Variants in ZNF660 observed in about 807,000 individuals in gnomAD.
ZNF660 encodes zinc finger protein 660.
Under a neutral mutation model 23.2 loss-of-function variants are expected in ZNF660, and 24 were observed. The ratio of observed to expected loss-of-function variants is 1.04; its 90% CI spans 0.75 to 1.46. ZNF660 has a LOEUF of 1.46. Ranked by LOEUF, ZNF660 falls within the 40% of genes most tolerant of loss-of-function variation. ZNF660 has a pLI of 0.00. For synonymous variants in ZNF660, 117 were observed against 131.4 expected, an observed-to-expected ratio of 0.89 and a Z score of 0.75; for missense variants, 373 against 396.8, an observed-to-expected ratio of 0.94 and a Z score of 0.51.
Position 44,594,926 on chromosome 3 carries a change from C to T in ZNF660, c.733C>T (p.Pro245Ser). The change falls in exon 3 of 3, where the codon CCT becomes TCT. Residue 245 changes from proline (P) to serine (S), a missense_variant. Pro to Ser is a moderately conservative substitution (Grantham distance 74). Transcript: ENST00000322734. ...EHQRLHRREK[P>S]YKCNECGKAF... ...CCAGAGACTTCATCGTAGAGAGAAA[C>T]CTTACAAATGTAATGAGTGTGGGAA... 1 of 1,613,882 alleles carries T rather than the reference C, an allele frequency of 6.2e-7. No individual in the cohort carries two copies. Among genetic ancestry groups the T allele is most frequent in the Non-Finnish European group, 8.5e-7 (1 of 1,179,968 alleles).
Position 44,594,171 on chromosome 3 carries a change from T to G in ZNF660, c.-23T>G. 6.2e-7 allele frequency: 1 copy of G among 1,611,672 alleles called. No homozygotes were observed. Among genetic ancestry groups the G allele is most frequent in the Non-Finnish European group, 8.5e-7 (1 of 1,179,216 alleles). ...GGAAAGAGAAGACTAGAGAGGACAC[T>G]GGTATGTTCCAAGCAGGAGAAAATG... On this transcript the variant is annotated 5_prime_UTR_variant, in exon 3 of 3. Coordinates refer to ENST00000322734, the MANE Select transcript of ZNF660 (RefSeq NM_173658.4).
chr3:44,594,404 A>T lies in ZNF660; in HGVS notation c.211A>T (p.Ile71Phe). The change falls in exon 3 of 3, where the codon ATC (isoleucine) becomes TTC (phenylalanine). Residue 71 changes from isoleucine to phenylalanine, a missense_variant. Physicochemically the swap from Ile to Phe is conservative, Grantham distance 21. Coordinates refer to ENST00000322734, the MANE Select transcript of ZNF660 (RefSeq NM_173658.4). ...TGCAAACCTCACAGTACATGAGCGA[A>T]TCCACACGGGAGAGAAACCCTATAA... ...QSANLTVHER[I>F]HTGEKPYKCK... is the part of the protein sequence containing the mutation. 1 of 1,613,672 alleles carries T rather than the reference A, an allele frequency of 6.2e-7. No individual in the cohort carries two copies. Among genetic ancestry groups the T allele is most frequent in the Non-Finnish European group, 8.5e-7 (1 of 1,179,932 alleles).
intron 2 of ZNF660, among the ~76,000 whole-genome samples, chr3:44,589,440 A>G (rs1276714335): frequency 6.6e-6 from 1 of 152,008 alleles, no homozygotes; most frequent in Admixed American, 6.6e-5. Flanking sequence ...GTTTCCCTCA[A>G]TTTACTCCCC....
Position 44,594,317 on chromosome 3 carries a change from A to C in ZNF660, c.124A>C (p.Arg42=), listed in dbSNP as rs772737150. The part of the protein sequence containing the change: ...SQCCDPATNE[R]VQAEKRQYVC... ...GTGCTGTGACCCTGCAACAAATGAG[A>C]GAGTTCAGGCTGAAAAGAGACAGTA... The change falls in exon 3 of 3, where the codon AGA becomes CGA. Residue 42 remains arginine, a synonymous_variant. Coordinates refer to ENST00000322734, the MANE Select transcript of ZNF660 (RefSeq NM_173658.4). 1.9e-6 allele frequency: 3 copies of C among 1,614,192 alleles called. No individual in the cohort carries two copies. The Admixed American group carries it at 5.0e-5, about 27-fold the overall frequency.
rs536552568 is a variant in ZNF660 at position 44,597,779 on chromosome 3, A to G, written c.*2590A>G. 2 of 152,356 alleles carry G rather than the reference A, an allele frequency of 1.3e-5. No individual in the cohort carries two copies. The highest frequency in any genetic ancestry group is 4.1e-4 in the South Asian group (2 of 4,826). 9.4% of individuals were successfully genotyped at this position (152,356 alleles called of 1,614,324 possible). ...TCAAGAGTATATCTCAAGGAAGGAT[A>G]TGATGCCATCTCATAACCAGAGAAC... On this transcript the variant is annotated 3_prime_UTR_variant, in exon 3 of 3. Coordinates refer to ENST00000322734, the MANE Select transcript of ZNF660 (RefSeq NM_173658.4). This position sits in a 1 kb window ranked among gnomAD's most constrained non-coding sequence, Gnocchi z 4.1.
rs1700654267 is a variant in ZNF660, at chr3:44,597,581, T to A, written c.*2392T>A. The A allele has an allele frequency of 6.6e-6, 1 of 152,210 alleles. No homozygotes were observed. The highest frequency in any genetic ancestry group is 1.5e-5 in the Non-Finnish European group (1 of 68,028). 9.4% of individuals were successfully genotyped at this position (152,210 alleles called of 1,614,324 possible). On this transcript the variant is annotated 3_prime_UTR_variant, in exon 3 of 3. Transcript: ENST00000322734. The surrounding 1 kb of genome is among the most constrained non-coding windows in gnomAD (Gnocchi z 4.1). ...CAGGGTTTGGAAGGCCTGGAACAGATTTGTAGCATTCATGGACAAGCCTGG... is the reference window on the plus strand; with the variant it reads ...CAGGGTTTGGAAGGCCTGGAACAGAATTGTAGCATTCATGGACAAGCCTGG...
Position 44,594,125 on chromosome 3 carries a change from A to G in ZNF660, c.-69A>G. ...CAGAGACATTGCCCAGGAAGTCAAA[A>G]TTTAGAAGGCTCCTCTGAAGGGAAA... is the stretch of plus-strand genomic sequence containing the variant. On this transcript the variant is annotated 5_prime_UTR_variant, in exon 3 of 3. Coordinates refer to ENST00000322734, the MANE Select transcript of ZNF660 (RefSeq NM_173658.4). 3 of 1,601,836 alleles carry G rather than the reference A, an allele frequency of 1.9e-6. No homozygotes were observed. The highest frequency in any genetic ancestry group is 2.6e-6 in the Non-Finnish European group (3 of 1,170,882).
chr3:44,591,164 T>C (rs1700411436), intron 2 of ZNF660, among the ~76,000 whole-genome samples: 1 of 152,230 alleles, frequency 6.6e-6, no homozygotes, highest in Non-Finnish European at 1.5e-5. Context: ...AGTCTTGCTC[T>C]GTTGCCCAGG....
intron 2 of ZNF660, 97 bp from the exon 3 acceptor site, chr3:44,593,917 A>G: frequency 1.9e-6 from 1 of 534,764 alleles, no homozygotes; most frequent in South Asian, 1.6e-5. Flanking sequence ...TGAACACTTA[A>G]CCCTTCCATA....
intron 2 of ZNF660, among the ~76,000 whole-genome samples, chr3:44,592,625 T>C (rs1026191095): frequency 6.6e-6 from 1 of 152,214 alleles, no homozygotes; most frequent in African/African-American, 2.4e-5. Context: ...TGCAAGATCC[T>C]ATCAGAGTTT....
At chr3:44,593,919 C>G in intron 2 of ZNF660, 95 bp from the exon 3 acceptor site, 1 of 536,840 alleles carries the variant, frequency 1.9e-6, no homozygotes, top group Admixed American at 2.3e-5. Context: ...AACACTTAAC[C>G]CTTCCATATG....
intron 2 of ZNF660, chr3:44,587,093 T>G (rs1266919477): frequency 6.6e-6 from 1 of 152,226 alleles, no homozygotes; most frequent in Non-Finnish European, 1.5e-5. Context: ...TTGCAATGTT[T>G]ACATTTCACT....
In ZNF660 at chr3:44,595,599, T is replaced by C. The variant is rs1032366389; in HGVS notation, c.*410T>C. ...TGATCATCTCTGGGCGATAGGATTA[T>C]AGGTGATTTCTATTTTCTTCTGTAT... is the stretch of plus-strand genomic sequence containing the variant. On this transcript the variant is annotated 3_prime_UTR_variant, in exon 3 of 3. Coordinates refer to ENST00000322734, the MANE Select transcript of ZNF660 (RefSeq NM_173658.4). 9 of 171,616 alleles carry C rather than the reference T, an allele frequency of 5.2e-5. No homozygotes were observed. The highest frequency in any genetic ancestry group is 1.4e-4 in the African/African-American group (6 of 41,540). 10.6% of individuals were successfully genotyped at this position (171,616 alleles called of 1,614,324 possible). A position where few individuals can be genotyped will look rare whatever the true frequency, so the allele number is the denominator to read the frequency against.
chr3:44,589,461 C>A (rs1370302789), intron 2 of ZNF660, among the ~76,000 whole-genome samples: 1 of 152,108 alleles, frequency 6.6e-6, no homozygotes, highest in Non-Finnish European at 1.5e-5. Flanking sequence ...ATGTGTTATC[C>A]CAGCTGCCTC....
Position 44,594,318 on chromosome 3 carries a change from G to C in ZNF660, c.125G>C (p.Arg42Thr). ...SQCCDPATNE[R>T]VQAEKRQYVC... ...TGCTGTGACCCTGCAACAAATGAGA[G>C]AGTTCAGGCTGAAAAGAGACAGTAT... Residue 42 changes from arginine to threonine, a missense_variant, in exon 3 of 3, where the codon AGA becomes ACA. Arg to Thr is a moderately conservative substitution (Grantham distance 71). Transcript: ENST00000322734. 4 of 1,614,182 alleles carry C rather than the reference G, an allele frequency of 2.5e-6. No individual in the cohort carries two copies. Among genetic ancestry groups the C allele is most frequent in the Non-Finnish European group, 3.4e-6 (4 of 1,180,046 alleles).
rs1456358630 is a variant in ZNF660 at position 44,597,792 on chromosome 3, A to C, written c.*2603A>C. Reference sequence around the variant, plus strand: ...TCAAGGAAGGATATGATGCCATCTCATAACCAGAGAACTGAATATAGGAGA... The same window carrying C: ...TCAAGGAAGGATATGATGCCATCTCCTAACCAGAGAACTGAATATAGGAGA... On this transcript the variant is annotated 3_prime_UTR_variant, in exon 3 of 3. Transcript: ENST00000322734. This position sits in a 1 kb window ranked among gnomAD's most constrained non-coding sequence, Gnocchi z 4.1. The C allele has an allele frequency of 6.6e-6, 1 of 152,244 alleles. No homozygotes were observed. Among genetic ancestry groups the C allele is most frequent in the Non-Finnish European group, 1.5e-5 (1 of 68,048 alleles). 9.4% of individuals were successfully genotyped at this position (152,244 alleles called of 1,614,324 possible). A position where few individuals can be genotyped will look rare whatever the true frequency, so the allele number is the denominator to read the frequency against.
At chr3:44,588,065 G>T (rs1575398153) in intron 2 of ZNF660, among the ~76,000 whole-genome samples, 1 of 151,766 alleles carries the variant, frequency 6.6e-6, no homozygotes, top group African/African-American at 2.4e-5. Context: ...CAGAAAAAAA[G>T]AAAGAAAGAA....
rs1700575826 is a variant in ZNF660, at chr3:44,595,322, T to C, written c.*133T>C. Reference sequence around the variant, plus strand: ...ATAATTAGAAGTAGACAAAGATTAATGAAAGGGATGTTCATGACAGCATCA... The same window carrying C: ...ATAATTAGAAGTAGACAAAGATTAACGAAAGGGATGTTCATGACAGCATCA... On this transcript the variant is annotated 3_prime_UTR_variant, in exon 3 of 3. Coordinates refer to ENST00000322734, the MANE Select transcript of ZNF660 (RefSeq NM_173658.4). The C allele has an allele frequency of 9.6e-7, 1 of 1,044,932 alleles. No individual in the cohort carries two copies. The allele number at this position is 1,044,932 out of a possible 1,614,324, so 64.7% of individuals were successfully genotyped here.
In ZNF660 at chr3:44,595,817, C is replaced by T. The variant is rs141493347; in HGVS notation, c.*628C>T. ...CACTGGCATTTAGCAGCAGTGGAAC[C>T]GCGAGCAAGTCCCTTCCTTTTAGAG... On this transcript the variant is annotated 3_prime_UTR_variant, in exon 3 of 3. Transcript: ENST00000322734. 27 of 167,070 alleles carry T rather than the reference C, an allele frequency of 1.6e-4. No individual in the cohort carries two copies. Among genetic ancestry groups the T allele is most frequent in the African/African-American group, 6.3e-4 (26 of 41,444 alleles). 10.3% of individuals were successfully genotyped at this position (167,070 alleles called of 1,614,324 possible). A position where few individuals can be genotyped will look rare whatever the true frequency, so the allele number is the denominator to read the frequency against.
Sources: allele counts gnomAD v4.1 joint callset (sites outside exome capture counted in the v4.1 genomes callset), GRCh38; gene constraint gnomAD v4.1.1; non-coding constraint Gnocchi (gnomAD v3.1); transcripts MANE v1.5; gene names NCBI Gene and HGNC (gene_info 2026-07-23, HGNC 2026-07-21).